The following ARK2N variants were observed in gnomAD, a reference collection of about 807,000 sequenced individuals.
ARK2N encodes the protein protein ARK2N.
the ARK2N span, among the ~76,000 whole-genome samples, chr18:46,195,266 C>CTTTTTTT: frequency 1.1e-5 from 1 of 94,496 alleles, no homozygotes; most frequent in Non-Finnish European, 2.1e-5. Flanking sequence ...TTTATTTAAC[C>CTTTTTTT]TTTTTTTTTT....
chr18:46,207,056 A>G, the ARK2N span, among the ~76,000 whole-genome samples: 1 of 152,198 alleles, frequency 6.6e-6, no homozygotes, highest in African/African-American at 2.4e-5. Flanking sequence ...GATTATAGGC[A>G]TGAGCCGCTG....
At chr18:46,192,974 A>G in the ARK2N span, among the ~76,000 whole-genome samples, 2 of 151,210 alleles carry the variant, frequency 1.3e-5, no homozygotes, top group Non-Finnish European at 2.9e-5. Flanking sequence ...AGGTGGGCAG[A>G]TTACCTTAGG....
chr18:46,245,091 C>T, the ARK2N span, among the ~76,000 whole-genome samples: 2 of 151,914 alleles, frequency 1.3e-5, no homozygotes, highest in South Asian at 4.1e-4. Context: ...CACCACGCCC[C>T]GTTAATTTTT....
chr18:46,261,321 A>C, the ARK2N span, among the ~76,000 whole-genome samples: 1 of 152,114 alleles, frequency 6.6e-6, no homozygotes, highest in Non-Finnish European at 1.5e-5. Flanking sequence ...AAGCATTGTG[A>C]CTCTGAGCAA....
At chr18:46,261,154 T>C in the ARK2N span, among the ~76,000 whole-genome samples, 1 of 152,380 alleles carries the variant, frequency 6.6e-6, no homozygotes, top group East Asian at 1.9e-4. Context: ...AGTAACTTTA[T>C]ACTTCTAAAT....
chr18:46,189,457 TA>T, the ARK2N span, among the ~76,000 whole-genome samples: 237 of 152,072 alleles, frequency 1.6e-3, 3 homozygotes, highest in East Asian at 5.8e-4. Flanking sequence ...AACTTTTTTT[TA>T]AAAAAAATTA....
At chr18:46,202,054 A>G in the ARK2N span, among the ~76,000 whole-genome samples, 1 of 152,108 alleles carries the variant, frequency 6.6e-6, no homozygotes, top group Non-Finnish European at 1.5e-5. Flanking sequence ...CTGGGATTAC[A>G]GGCATGAGCC....
chr18:46,200,061 C>A, the ARK2N span, among the ~76,000 whole-genome samples: 1 of 147,580 alleles, frequency 6.8e-6, no homozygotes, highest in Non-Finnish European at 1.5e-5. Context: ...ACAGAAAATT[C>A]TTTATTGTGT....
chr18:46,218,239 T>G, the ARK2N span: 1 of 152,228 alleles, frequency 6.6e-6, no homozygotes, highest in African/African-American at 2.4e-5. Flanking sequence ...ATCTTCTTTC[T>G]AATTGAGTAT....
chr18:46,200,006 C>T, the ARK2N span, among the ~76,000 whole-genome samples: 5 of 152,040 alleles, frequency 3.3e-5, no homozygotes, highest in African/African-American at 9.7e-5. Context: ...GTCTCACCTG[C>T]GGCCCTGTGG....
At chr18:46,215,795 G>T in the ARK2N span, 3 of 1,268,678 alleles carry the variant, frequency 2.4e-6, no homozygotes, top group South Asian at 4.3e-5. Context: ...TATTGACTTT[G>T]TGTGTTTTTG....
At chr18:46,239,085 C>T in the ARK2N span, among the ~76,000 whole-genome samples, 1 of 152,048 alleles carries the variant, frequency 6.6e-6, no homozygotes, top group Non-Finnish European at 1.5e-5. Flanking sequence ...TTGCTGTTAA[C>T]GTTTTTCTTA....
the ARK2N span, chr18:46,239,933 G>C: frequency 2.9e-6 from 4 of 1,391,656 alleles, no homozygotes; most frequent in East Asian, 9.2e-5. Context: ...ACATTAGAGG[G>C]CTCTTACTAG....
At chr18:46,240,061 G>A in the ARK2N span, 1 of 1,614,222 alleles carries the variant, frequency 6.2e-7, no homozygotes, top group Non-Finnish European at 8.5e-7. Context: ...TGACCCAGAA[G>A]TGGTAAATGT....
the ARK2N span, among the ~76,000 whole-genome samples, chr18:46,237,969 T>G: frequency 6.6e-6 from 1 of 152,210 alleles, no homozygotes; most frequent in African/African-American, 2.4e-5. Flanking sequence ...TAAGCTAAGT[T>G]ATAAGGTGTG....
the ARK2N span, among the ~76,000 whole-genome samples, chr18:46,197,684 T>C: frequency 6.6e-6 from 1 of 152,190 alleles, no homozygotes; most frequent in East Asian, 1.9e-4. Flanking sequence ...CTCCTGTATA[T>C]ATACCCAACA....
the ARK2N span, among the ~76,000 whole-genome samples, chr18:46,199,770 ATC>A: frequency 6.6e-6 from 1 of 152,014 alleles, no homozygotes; most frequent in Non-Finnish European, 1.5e-5. Flanking sequence ...TCTCCCCTAG[ATC>A]TCCTTCCCAA....
chr18:46,225,650 C>T, the ARK2N span, among the ~76,000 whole-genome samples: 1 of 152,098 alleles, frequency 6.6e-6, no homozygotes, highest in Non-Finnish European at 1.5e-5. Flanking sequence ...TTAGTAGAGA[C>T]AGGGTTTCAC....
At chr18:46,179,699 C>T in the ARK2N span, among the ~76,000 whole-genome samples, 651 of 151,356 alleles carry the variant, frequency 4.3e-3, 5 homozygotes, top group African/African-American at 0.015. Context: ...CATCTCCGCT[C>T]ACCGCAACCT....
Sources: allele counts gnomAD v4.1 joint callset (sites outside exome capture counted in the v4.1 genomes callset), GRCh38; gene constraint gnomAD v4.1.1; transcripts MANE v1.5; gene names NCBI Gene and HGNC (gene_info 2026-07-23, HGNC 2026-07-21).